Variants in PTPRT observed in about 807,000 individuals in gnomAD.
PTPRT encodes the protein receptor-type tyrosine-protein phosphatase T.
A neutral mutation model predicts 176.8 loss-of-function variants in PTPRT; 56 were observed. That is an observed-to-expected ratio of 0.32 (90% CI 0.26 to 0.40). PTPRT has a LOEUF of 0.40. PTPRT is among the 10% of genes least tolerant of loss of function. The pLI is 1.00. For missense variants in PTPRT, 1,540 were observed against 1,908.2 expected (o/e 0.81, Z 3.60); for synonymous variants, 783 against 739.0 (o/e 1.06, Z -0.96).
chr20:43,186,369 C>T (rs181517443), intron 1 of PTPRT, among the ~76,000 whole-genome samples: 32 of 152,282 alleles, frequency 2.1e-4, no homozygotes, highest in Non-Finnish European at 4.6e-4. Context: ...TTATAGCTGC[C>T]GTGAGACTCT....
chr20:42,939,921 C>A (rs2145990213), intron 1 of PTPRT, among the ~76,000 whole-genome samples: 1 of 152,066 alleles, frequency 6.6e-6, no homozygotes, highest in Non-Finnish European at 1.5e-5. Context: ...CAGAGGGTAC[C>A]TGTTGGACAG....
intron 16 of PTPRT, among the ~76,000 whole-genome samples, chr20:42,198,113 A>G (rs1236341564): frequency 3.3e-5 from 5 of 152,176 alleles, no homozygotes; most frequent in Non-Finnish European, 7.4e-5. Flanking sequence ...TCTGTGCTAC[A>G]CTGGAGCTTA....
At chr20:42,642,474 G>T (rs1206877935) in intron 7 of PTPRT, among the ~76,000 whole-genome samples, 1 of 152,088 alleles carries the variant, frequency 6.6e-6, no homozygotes, top group East Asian at 1.9e-4. Context: ...AATCTTGATG[G>T]TGACAACAAT....
intron 6 of PTPRT, among the ~76,000 whole-genome samples, chr20:42,715,918 G>T (rs775766552): frequency 6.6e-6 from 1 of 152,230 alleles, no homozygotes; most frequent in African/African-American, 2.4e-5. Context: ...TTGATTAAAA[G>T]AGTCCATGTG....
rs1297035632 is a variant in PTPRT, at chr20:42,110,319, G to C, written c.3254+14C>G. 6.3e-7 allele frequency: 1 copy of C among 1,590,662 alleles called. No individual in the cohort carries two copies. The highest frequency in any genetic ancestry group is 1.1e-5 in the South Asian group (1 of 88,780). On this transcript the variant is annotated intron_variant, in intron 23 of 30. Transcript: ENST00000373187. Reference sequence around the variant, plus strand: ...CCCGCCTCGGCCTCCCAAGGTGAAGGACCTTTGACTTACCTGCAGTGGACC... The same window carrying C: ...CCCGCCTCGGCCTCCCAAGGTGAAGCACCTTTGACTTACCTGCAGTGGACC...
chr20:42,731,191 C>T (rs1052792350), intron 6 of PTPRT, among the ~76,000 whole-genome samples: 1 of 152,182 alleles, frequency 6.6e-6, no homozygotes, highest in Non-Finnish European at 1.5e-5. Context: ...TATGGTTCCA[C>T]GAGCCAGCTG....
intron 2 of PTPRT, among the ~76,000 whole-genome samples, chr20:42,847,920 T>C (rs145057464): frequency 1.3e-5 from 2 of 152,332 alleles, no homozygotes; most frequent in East Asian, 3.9e-4. Context: ...TCTGAGAGTT[T>C]GGTGTACCCA....
chr20:43,019,382 A>T (rs1031645184), intron 1 of PTPRT, among the ~76,000 whole-genome samples: 2 of 152,088 alleles, frequency 1.3e-5, no homozygotes, highest in African/African-American at 4.8e-5. Flanking sequence ...GCACTTTGGG[A>T]GGTCAAGGCG....
intron 13 of PTPRT, among the ~76,000 whole-genome samples, chr20:42,279,516 CTG>C: frequency 6.6e-6 from 1 of 152,288 alleles, no homozygotes. Context: ...ACCTCCAGAA[CTG>C]TGAGACAATA....
rs115493526 is a variant in PTPRT, at chr20:43,156,588, C to A, written c.88+33058G>T. On this transcript the variant is annotated intron_variant, in intron 1 of 30. Coordinates refer to ENST00000373187, the MANE Select transcript of PTPRT (RefSeq NM_007050.6). ...CATGGTTCCAAAACCTGTCCTGAGACCCCACCCCACCATCTTAAAATTTCC... is the reference window on the plus strand; with the variant it reads ...CATGGTTCCAAAACCTGTCCTGAGAACCCACCCCACCATCTTAAAATTTCC... Among the ~76,000 whole-genome samples, 1,276 of 152,246 alleles carry A rather than the reference C, an allele frequency of 8.4e-3. 19 individuals are homozygous for A. Among genetic ancestry groups the A allele is most frequent in the African/African-American group, 0.029 (1,201 of 41,534 alleles).
At chr20:42,170,240 T>C (rs980277930) in intron 16 of PTPRT, among the ~76,000 whole-genome samples, 5 of 152,246 alleles carry the variant, frequency 3.3e-5, no homozygotes, top group African/African-American at 1.2e-4. Context: ...CAACCAACTC[T>C]AACACTTGAC....
chr20:42,915,797 C>A (rs1486430185), intron 1 of PTPRT, among the ~76,000 whole-genome samples: 1 of 151,470 alleles, frequency 6.6e-6, no homozygotes, highest in South Asian at 2.1e-4. Context: ...CAGGGTTTTG[C>A]CATGTTGCCC....
Position 42,472,578 on chromosome 20 carries a change from G to T in PTPRT, c.1154-16C>A, listed in dbSNP as rs1203919312. The T allele has an allele frequency of 1.2e-6, 2 of 1,611,054 alleles. No individual in the cohort carries two copies. The highest frequency in any genetic ancestry group is 1.1e-5 in the South Asian group (1 of 90,808). On this transcript the variant is annotated splice_polypyrimidine_tract_variant and intron_variant, in intron 7 of 30. Transcript: ENST00000373187. ...TGTACCGGATCTGCAAAACATGCAGGCAAGAAACAAGGGTTCTGAAGAGAC... is the reference window on the plus strand; with the variant it reads ...TGTACCGGATCTGCAAAACATGCAGTCAAGAAACAAGGGTTCTGAAGAGAC...
chr20:42,637,985 A>G (rs1348637502), intron 7 of PTPRT, among the ~76,000 whole-genome samples: 5 of 152,236 alleles, frequency 3.3e-5, no homozygotes, highest in East Asian at 1.9e-4. Flanking sequence ...AATTGTATCT[A>G]CTCACAGGAG....
At position 42,345,883 on chromosome 20, in the gene PTPRT, C is replaced by G. The variant is rs143644101; in HGVS notation, c.1865+4745G>C. On this transcript the variant is annotated intron_variant, in intron 11 of 30. Transcript: ENST00000373187. Reference sequence around the variant, plus strand: ...AGGAAACCGGAAACAAGGCTAAGGACAGATTCTGATGAGCCTTGAATTCCA... The same window carrying G: ...AGGAAACCGGAAACAAGGCTAAGGAGAGATTCTGATGAGCCTTGAATTCCA... Among the ~76,000 whole-genome samples, 3 of 152,224 alleles carry G rather than the reference C, an allele frequency of 2.0e-5. No individual in the cohort carries two copies. In the East Asian group the frequency reaches 5.8e-4, roughly 29 times the overall value.
chr20:42,661,994 G>A (rs928200604), intron 7 of PTPRT, among the ~76,000 whole-genome samples: 1 of 152,158 alleles, frequency 6.6e-6, no homozygotes, highest in Non-Finnish European at 1.5e-5. Context: ...TGCATACCAA[G>A]CTCTTGATAG....
chr20:42,798,983 C>G (rs774007171), intron 2 of PTPRT, among the ~76,000 whole-genome samples: 16 of 151,390 alleles, frequency 1.1e-4, no homozygotes, highest in Non-Finnish European at 1.9e-4. Context: ...CCTCAAAGAC[C>G]AAATCCCTAG....
chr20:43,012,530 A>G (rs1985181398), intron 1 of PTPRT, among the ~76,000 whole-genome samples: 1 of 152,210 alleles, frequency 6.6e-6, no homozygotes, highest in Admixed American at 6.5e-5. Flanking sequence ...AACAATGTGA[A>G]TGTACTTAAT....
chr20:42,483,417 G>A (rs1421842438), intron 7 of PTPRT, among the ~76,000 whole-genome samples: 1 of 152,142 alleles, frequency 6.6e-6, no homozygotes, highest in Non-Finnish European at 1.5e-5. Context: ...ACCCGCCTTG[G>A]CCTCCCAAAA....
Sources: gnomAD v4.1 joint callset for allele counts (sites outside exome capture counted in the v4.1 genomes callset) on GRCh38, gnomAD v4.1.1 for gene constraint, MANE v1.5 for transcripts, NCBI Gene and HGNC (gene_info 2026-07-23, HGNC 2026-07-21) for gene names.